Variants in DRAXIN observed in about 807,000 individuals in gnomAD.
The protein encoded by DRAXIN is dorsal repulsive axon guidance protein.
DRAXIN carries 27 observed loss-of-function variants against 33.9 expected under a neutral mutation model. The ratio of observed to expected loss-of-function variants is 0.80; its 90% CI spans 0.59 to 1.10. The LOEUF is 1.10. DRAXIN is among the 50% of genes least tolerant of loss of function. The pLI is 0.00. For synonymous variants in DRAXIN, 178 were observed against 194.0 expected, an observed-to-expected ratio of 0.92 and a Z score of 0.69; for missense variants, 371 against 460.8, an observed-to-expected ratio of 0.81 and a Z score of 1.78.
intron 3 of DRAXIN, among the ~76,000 whole-genome samples, chr1:11,710,724 C>T (rs533826002): frequency 7.3e-4 from 104 of 143,282 alleles, no homozygotes; most frequent in Non-Finnish European, 2.7e-4. Flanking sequence ...ACCATCCTGG[C>T]TAACATGGTG....
rs7529001 is a variant in DRAXIN, at chr1:11,724,061, A to G, written c.*4365A>G. The G allele has an allele frequency of 0.35, 52,726 of 152,102 alleles. 10,026 individuals are homozygous for G. The highest frequency in any genetic ancestry group is 0.49 in the East Asian group (2,535 of 5,174). The allele number at this position is 152,102 out of a possible 1,614,324, so 9.4% of individuals were successfully genotyped here. On this transcript the variant is annotated 3_prime_UTR_variant, in exon 7 of 7. Coordinates refer to ENST00000294485, the MANE Select transcript of DRAXIN (RefSeq NM_198545.4). The stretch of plus-strand genomic sequence containing the variant: ...AAGTCACCATTCAAGCTCCTTCCCC[A>G]AAGTGTGTTCCATAGAACACTGGGA...
intron 1 of DRAXIN, among the ~76,000 whole-genome samples, chr1:11,699,128 A>G (rs1005427009): frequency 1.3e-5 from 2 of 152,194 alleles, no homozygotes; most frequent in Non-Finnish European, 2.9e-5. Flanking sequence ...CATAGATCAT[A>G]AATTCTCAGG....
intron 3 of DRAXIN, among the ~76,000 whole-genome samples, chr1:11,711,560 C>A (rs946315306): frequency 3.3e-5 from 5 of 152,204 alleles, no homozygotes; most frequent in Non-Finnish European, 1.5e-5. Flanking sequence ...GCCTTCCCAG[C>A]CTGCAGGTGG....
In DRAXIN at chr1:11,706,743, G is replaced by T. The variant is rs371750790; in HGVS notation, c.451+34G>T. ...AGGGCTGCGAGGGGTGGGGATGGGG[G>T]TGATTCCTGCCATGGACTGAGGGGA... On this transcript the variant is annotated intron_variant, in intron 2 of 6. Coordinates refer to ENST00000294485, the MANE Select transcript of DRAXIN (RefSeq NM_198545.4). This position sits in a 1 kb window ranked among gnomAD's most constrained non-coding sequence, Gnocchi z 5.5. 1 of 1,509,346 alleles carries T rather than the reference G, an allele frequency of 6.6e-7. No individual in the cohort carries two copies. 93.5% of individuals were successfully genotyped at this position (1,509,346 alleles called of 1,614,324 possible). A position where few individuals can be genotyped will look rare whatever the true frequency, so the allele number is the denominator to read the frequency against.
At chr1:11,695,076 G>A (rs1641170536) in intron 1 of DRAXIN, among the ~76,000 whole-genome samples, 1 of 152,056 alleles carries the variant, frequency 6.6e-6, no homozygotes, top group South Asian at 2.1e-4. Context: ...CACAGCAGCT[G>A]CACTGGTGTT....
intron 5 of DRAXIN, among the ~76,000 whole-genome samples, 191 bp from the exon 6 acceptor site, chr1:11,714,928 G>C (rs929202835): frequency 6.6e-6 from 1 of 152,238 alleles, no homozygotes; most frequent in African/African-American, 2.4e-5. Flanking sequence ...CTCTGCCACC[G>C]ACCCTTGGGG....
intron 1 of DRAXIN, among the ~76,000 whole-genome samples, chr1:11,697,727 C>T (rs916423371): frequency 6.6e-6 from 1 of 152,174 alleles, no homozygotes; most frequent in Non-Finnish European, 1.5e-5. Context: ...GATTCACTCT[C>T]CCCTGCGATC....
intron 5 of DRAXIN, among the ~76,000 whole-genome samples, chr1:11,712,708 G>T (rs1641513429): frequency 6.6e-6 from 1 of 151,068 alleles, no homozygotes; most frequent in African/African-American, 2.4e-5. Flanking sequence ...AGAGCATCCT[G>T]GCCAACATGG....
chr1:11,692,943 A>C lies in DRAXIN; in HGVS notation c.-11+1090A>C, dbSNP rs1641104101. Among the ~76,000 whole-genome samples the C allele has an allele frequency of 7.5e-6, 1 of 133,508 alleles. No individual in the cohort carries two copies. The highest frequency in any genetic ancestry group is 1.6e-5 in the Non-Finnish European group (1 of 62,728). The allele number at this position is 133,508 out of a possible 152,430, so 87.6% of individuals were successfully genotyped here. On this transcript the variant is annotated intron_variant, in intron 1 of 6. Coordinates refer to ENST00000294485, the MANE Select transcript of DRAXIN (RefSeq NM_198545.4). This position sits in a 1 kb window ranked among gnomAD's most constrained non-coding sequence, Gnocchi z 5.8. Reference sequence around the variant, plus strand: ...TGGTGCTGGTTCACACACCCTGTGGAGGAAGGGAGGGGAGGGGAGGGGAGT... The same window carrying C: ...TGGTGCTGGTTCACACACCCTGTGGCGGAAGGGAGGGGAGGGGAGGGGAGT...
intron 5 of DRAXIN, among the ~76,000 whole-genome samples, chr1:11,713,621 G>A (rs1393619545): frequency 6.6e-6 from 1 of 152,192 alleles, no homozygotes; most frequent in Non-Finnish European, 1.5e-5. Context: ...GGGTGCAGTG[G>A]CTCACACCTG....
chr1:11,714,184 G>T (rs1474757287), intron 5 of DRAXIN, among the ~76,000 whole-genome samples: 1 of 148,044 alleles, frequency 6.8e-6, no homozygotes, highest in Non-Finnish European at 1.5e-5. Context: ...CAGCTTGGGT[G>T]ACAGAGCAAG....
chr1:11,706,171 C>G lies in DRAXIN; in HGVS notation c.-10-78C>G. 1 of 1,334,418 alleles carries G rather than the reference C, an allele frequency of 7.5e-7. No individual in the cohort carries two copies. Among genetic ancestry groups the G allele is most frequent in the South Asian group, 1.6e-5 (1 of 64,456 alleles). The allele number at this position is 1,334,418 out of a possible 1,614,324, so 82.7% of individuals were successfully genotyped here. On this transcript the variant is annotated intron_variant, in intron 1 of 6. Transcript: ENST00000294485. This position sits in a 1 kb window ranked among gnomAD's most constrained non-coding sequence, Gnocchi z 5.5. ...GTCCCTCTATGGCTGTTGAGAAAAA[C>G]TGGGCTTTAATCATTTGAGTGAGGG...
rs926431912 is a variant in DRAXIN at position 11,705,767 on chromosome 1, G to A, written c.-10-482G>A. 1.1e-4 allele frequency among the ~76,000 whole-genome samples: 17 copies of A among 152,170 alleles called. No individual in the cohort carries two copies. Among genetic ancestry groups the A allele is most frequent in the African/African-American group, 3.1e-4 (13 of 41,426 alleles). On this transcript the variant is annotated intron_variant, in intron 1 of 6. Transcript: ENST00000294485. This position sits in a 1 kb window ranked among gnomAD's most constrained non-coding sequence, Gnocchi z 4.8. ...ACTTAACGTGGGTCCTGCCTACAGCGTGCGCTCAAACGCTATTATTCCATT... is the reference window on the plus strand; with the variant it reads ...ACTTAACGTGGGTCCTGCCTACAGCATGCGCTCAAACGCTATTATTCCATT...
At chr1:11,718,926 A>C (rs1361537284) in intron 6 of DRAXIN, among the ~76,000 whole-genome samples, 1 of 151,496 alleles carries the variant, frequency 6.6e-6, no homozygotes, top group African/African-American at 2.4e-5. Flanking sequence ...TCTGAGAGGG[A>C]GTCTAGCTCT....
rs143878825 is a variant in DRAXIN at position 11,695,337 on chromosome 1, G to A, written c.-11+3484G>A. Among the ~76,000 whole-genome samples the A allele has an allele frequency of 6.1e-3, 921 of 152,202 alleles. 7 individuals carry two copies. Among genetic ancestry groups the A allele is most frequent in the African/African-American group, 0.021 (883 of 41,516 alleles). On this transcript the variant is annotated intron_variant, in intron 1 of 6. Transcript: ENST00000294485. Reference sequence around the variant, plus strand: ...CTTATGCCTATAATCCCAGCACTTTGGGAGGCCGAGGCAGCTAGCTCACTT... The same window carrying A: ...CTTATGCCTATAATCCCAGCACTTTAGGAGGCCGAGGCAGCTAGCTCACTT...
rs115074306 is a variant in DRAXIN, at chr1:11,719,945, G to A, written c.*249G>A. The A allele has an allele frequency of 8.4e-5, 41 of 486,938 alleles. No homozygotes were observed. The highest frequency in any genetic ancestry group is 7.5e-4 in the African/African-American group (39 of 52,132). The allele number at this position is 486,938 out of a possible 1,614,324, so 30.2% of individuals were successfully genotyped here. On this transcript the variant is annotated 3_prime_UTR_variant, in exon 7 of 7. Transcript: ENST00000294485. ...CTCCATCCCGCGTGTCTTGCTCTCC[G>A]CGATGGCAATGCCGAGAGTGCCCTC...
In DRAXIN at chr1:11,706,548, TGCCTGAGCAGAGTCCTGCAG is replaced by T; in HGVS notation, c.296_315del (p.Glu99AlafsTer90). 1 of 1,611,146 alleles carries T rather than the reference TGCCTGAGCAGAGTCCTGCAG, an allele frequency of 6.2e-7. No individual in the cohort carries two copies. Among genetic ancestry groups the T allele is most frequent in the Non-Finnish European group, 8.5e-7 (1 of 1,179,202 alleles). The stretch of plus-strand genomic sequence containing the variant: ...AGGCTGCCAGAGGCTGAGGGGCTGC[TGCCTGAGCAGAGTCCTGCAG>T]GCCTGCTGCAGGACAAGGACCTGCT... On this transcript the variant is annotated frameshift_variant, in exon 2 of 7. Coordinates refer to ENST00000294485, the MANE Select transcript of DRAXIN (RefSeq NM_198545.4). LOFTEE classifies it high-confidence loss of function. The surrounding 1 kb of genome is among the most constrained non-coding windows in gnomAD (Gnocchi z 5.5).
In DRAXIN at chr1:11,705,045, A is replaced by C. The variant is rs1329652774; in HGVS notation, c.-10-1204A>C. On this transcript the variant is annotated intron_variant, in intron 1 of 6. Coordinates refer to ENST00000294485, the MANE Select transcript of DRAXIN (RefSeq NM_198545.4). The surrounding 1 kb of genome is among the most constrained non-coding windows in gnomAD (Gnocchi z 4.8). ...GTGACACTGGGGTGGGCCAGCCAGC[A>C]TGGGGGCCGCAGGGAGAGGCGCCGG... 1.3e-5 allele frequency among the ~76,000 whole-genome samples: 2 copies of C among 152,184 alleles called. No homozygotes were observed. Among genetic ancestry groups the C allele is most frequent in the African/African-American group, 4.8e-5 (2 of 41,460 alleles).
rs887939852 is a variant in DRAXIN at position 11,704,014 on chromosome 1, G to T, written c.-10-2235G>T. On this transcript the variant is annotated intron_variant, in intron 1 of 6. Transcript: ENST00000294485. This position sits in a 1 kb window ranked among gnomAD's most constrained non-coding sequence, Gnocchi z 4.6. ...TAGGCTGCTCACCAGGCTCAGAGGCGGCTCTGAGGTTTACTGACAGCCTTG... is the reference window on the plus strand; with the variant it reads ...TAGGCTGCTCACCAGGCTCAGAGGCTGCTCTGAGGTTTACTGACAGCCTTG... Among the ~76,000 whole-genome samples, 1 of 152,158 alleles carries T rather than the reference G, an allele frequency of 6.6e-6. No homozygotes were observed. Among genetic ancestry groups the T allele is most frequent in the Non-Finnish European group, 1.5e-5 (1 of 68,020 alleles).
Sources: gnomAD v4.1 joint callset for allele counts (sites outside exome capture counted in the v4.1 genomes callset) on GRCh38, gnomAD v4.1.1 for gene constraint, Gnocchi (gnomAD v3.1) non-coding constraint, MANE v1.5 for transcripts, NCBI Gene and HGNC (gene_info 2026-07-23, HGNC 2026-07-21) for gene names.